DYNC2H1: variants seen among roughly 807,000 people sequenced by gnomAD.
DYNC2H1 encodes the protein dynein cytoplasmic 2 heavy chain 1.
DYNC2H1 carries 410 observed loss-of-function variants against 570.0 expected under a neutral mutation model. The observed-to-expected ratio is 0.72, with a 90% CI of 0.66 to 0.78. The LOEUF (loss-of-function observed/expected upper bound fraction) is 0.78, where lower values mean the gene tolerates loss of function less well. Ranked by LOEUF, DYNC2H1 falls within the 30% of genes least tolerant of loss-of-function variation. The pLI is 0.00. For synonymous variants in DYNC2H1, 1,688 were observed against 1,677.6 expected (o/e 1.01, Z -0.15); for missense variants, 4,865 against 5,046.4 (o/e 0.96, Z 1.09).
intron 75 of DYNC2H1, 104 bp from the exon 76 acceptor site, chr11:103,302,989 A>G: frequency 1.2e-6 from 1 of 841,308 alleles, no homozygotes; most frequent in East Asian, 3.2e-5. Context: ...ATGAGATTAC[A>G]ACTCACCTGG....
chr11:103,404,649 A>AAAT (rs1942785111), intron 84 of DYNC2H1: 1 of 150,954 alleles, frequency 6.6e-6, no homozygotes, highest in African/African-American at 2.4e-5. Flanking sequence ...TATAACCTGA[A>AAAT]AATAAGGGGA....
intron 26 of DYNC2H1, among the ~76,000 whole-genome samples, chr11:103,158,253 G>A (rs891958331): frequency 2.6e-5 from 4 of 151,984 alleles, no homozygotes; most frequent in East Asian, 3.9e-4. Flanking sequence ...CGAGACCATC[G>A]TGGCTAACAC....
intron 83 of DYNC2H1, among the ~76,000 whole-genome samples, chr11:103,364,444 C>G (rs193245498): frequency 5.8e-4 from 88 of 151,910 alleles, no homozygotes; most frequent in African/African-American, 1.9e-3. Flanking sequence ...TTCAAGAATC[C>G]CAACTTCTGT....
At chr11:103,246,984 T>C (rs1027997839) in intron 65 of DYNC2H1, among the ~76,000 whole-genome samples, 3 of 151,674 alleles carry the variant, frequency 2.0e-5, no homozygotes, top group South Asian at 4.2e-4. Context: ...AATTCTCTTT[T>C]TCTCTCTCTC....
chr11:103,184,479 G>T (rs1288138830), intron 40 of DYNC2H1, among the ~76,000 whole-genome samples: 1 of 151,812 alleles, frequency 6.6e-6, no homozygotes, highest in Non-Finnish European at 1.5e-5. Flanking sequence ...AGCTCCATGT[G>T]GTTTGTCATT....
At chr11:103,411,147 T>TAATTA (rs997536509) in intron 84 of DYNC2H1, among the ~76,000 whole-genome samples, 1 of 152,138 alleles carries the variant, frequency 6.6e-6, no homozygotes, top group African/African-American at 2.4e-5. Context: ...AGCGTAAAGT[T>TAATTA]AATTAGAATA....
chr11:103,131,585 C>T (rs1345529325), intron 13 of DYNC2H1, among the ~76,000 whole-genome samples: 1 of 151,912 alleles, frequency 6.6e-6, no homozygotes, highest in Non-Finnish European at 1.5e-5. Flanking sequence ...GAAATAACTT[C>T]CTTTAGCCAT....
At chr11:103,314,191 C>T (rs1937680527) in intron 79 of DYNC2H1, among the ~76,000 whole-genome samples, 1 of 152,080 alleles carries the variant, frequency 6.6e-6, no homozygotes, top group African/African-American at 2.4e-5. Flanking sequence ...TGAGAGGGTC[C>T]ACTATTAACC....
intron 47 of DYNC2H1, among the ~76,000 whole-genome samples, chr11:103,193,701 G>T (rs554138058): frequency 1.3e-5 from 2 of 151,518 alleles, no homozygotes; most frequent in African/African-American, 4.8e-5. Context: ...GTGCCACCAC[G>T]CCCGACTAAT....
rs965121749 is a variant in DYNC2H1, at chr11:103,461,353, T to C, written c.12648+4997T>C. Among the ~76,000 whole-genome samples, 1 of 152,236 alleles carries C rather than the reference T, an allele frequency of 6.6e-6. No homozygotes were observed. Among genetic ancestry groups the C allele is most frequent in the Non-Finnish European group, 1.5e-5 (1 of 68,042 alleles). ...TAGACTGAATTAAACAGTGAGGCTG[T>C]AGTTCTCCAAACCGATCAATATCTT... On this transcript the variant is annotated intron_variant, in intron 87 of 88. Transcript: ENST00000375735. The surrounding 1 kb of genome is among the most constrained non-coding windows in gnomAD (Gnocchi z 4.8).
chr11:103,393,600 T>C (rs1456492536), intron 83 of DYNC2H1, among the ~76,000 whole-genome samples: 1 of 152,190 alleles, frequency 6.6e-6, no homozygotes, highest in East Asian at 1.9e-4. Context: ...CAAAAGCCCC[T>C]TTGTATTAGT....
In DYNC2H1 at chr11:103,163,166, A is replaced by G. The variant is rs1861166946; in HGVS notation, c.4611+19A>G. 1.9e-6 allele frequency: 3 copies of G among 1,604,368 alleles called. No individual in the cohort carries two copies. Among genetic ancestry groups the G allele is most frequent in the Middle Eastern group, 1.7e-4 (1 of 6,038 alleles). ...TTCACAGGTAAGGGGGCTTACGTGT[A>G]GAAGCTACATAGGCATGGAACGTGG... On this transcript the variant is annotated intron_variant, in intron 30 of 88. Coordinates refer to ENST00000375735, the MANE Select transcript of DYNC2H1 (RefSeq NM_001377.3). The surrounding 1 kb of genome is among the most constrained non-coding windows in gnomAD (Gnocchi z 4.6).
chr11:103,339,847 G>A (rs1939353164), intron 82 of DYNC2H1, among the ~76,000 whole-genome samples: 1 of 152,206 alleles, frequency 6.6e-6, no homozygotes, highest in African/African-American at 2.4e-5. Flanking sequence ...TCCTCCTGGC[G>A]ATGGATGCTT....
chr11:103,297,237 T>C (rs1362451020), intron 75 of DYNC2H1, among the ~76,000 whole-genome samples: 1 of 152,182 alleles, frequency 6.6e-6, no homozygotes, highest in Non-Finnish European at 1.5e-5. Flanking sequence ...TTTTGATTTT[T>C]TTATACTAGC....
intron 82 of DYNC2H1, among the ~76,000 whole-genome samples, chr11:103,353,275 G>C (rs1940141032): frequency 6.6e-6 from 1 of 152,150 alleles, no homozygotes; most frequent in Non-Finnish European, 1.5e-5. Flanking sequence ...TGCATGTTCT[G>C]CACATGTATC....
intron 84 of DYNC2H1, among the ~76,000 whole-genome samples, chr11:103,412,933 A>G (rs945931684): frequency 1.3e-5 from 2 of 152,114 alleles, no homozygotes; most frequent in African/African-American, 2.4e-5. Flanking sequence ...AGTGGTTCTC[A>G]AAGTGTGGTC....
intron 88 of DYNC2H1, 137 bp from the exon 89 acceptor site, chr11:103,478,958 G>A: frequency 1.0e-6 from 1 of 964,998 alleles, no homozygotes; most frequent in Non-Finnish European, 1.5e-6. Flanking sequence ...TTTGTTGCAG[G>A]GGGATGATAG....
At chr11:103,250,165 GT>G (rs1352668402) in intron 65 of DYNC2H1, among the ~76,000 whole-genome samples, 3 of 151,652 alleles carry the variant, frequency 2.0e-5, no homozygotes, top group African/African-American at 7.3e-5. Context: ...TTAGGTGATT[GT>G]TTTATCTAAA....
intron 80 of DYNC2H1, among the ~76,000 whole-genome samples, chr11:103,318,694 A>G (rs925347310): frequency 2.6e-5 from 4 of 151,928 alleles, no homozygotes; most frequent in Non-Finnish European, 4.4e-5. Flanking sequence ...AGTTAATGCC[A>G]AATAGTATTC....
Sources: allele counts gnomAD v4.1 joint callset (sites outside exome capture counted in the v4.1 genomes callset), GRCh38; gene constraint gnomAD v4.1.1; non-coding constraint Gnocchi (gnomAD v3.1); transcripts MANE v1.5; gene names NCBI Gene and HGNC (gene_info 2026-07-23, HGNC 2026-07-21).